The following GRID2 variants were observed in gnomAD, a reference collection of about 807,000 sequenced individuals.
The protein encoded by GRID2 is glutamate receptor ionotropic, delta-2.
In GRID2, 33 loss-of-function variants were observed where a neutral mutation model predicts 114.8. The observed-to-expected ratio is 0.29, with a 90% confidence interval of 0.22 to 0.38. GRID2 has a LOEUF of 0.38. GRID2 is among the 10% of genes least tolerant of loss of function. GRID2 has a pLI of 1.00. For missense variants in GRID2, 1,184 were observed against 1,257.7 expected, an observed-to-expected ratio of 0.94 and a Z score of 0.89; for synonymous variants, 505 against 449.9, an observed-to-expected ratio of 1.12 and a Z score of -1.55.
chr4:93,678,874 A>G (rs200421594), intron 14 of GRID2, among the ~76,000 whole-genome samples: 29,428 of 150,120 alleles, frequency 0.2, 3,477 homozygotes, highest in East Asian at 0.43. Context: ...ATCAACTAAC[A>G]AGCAAAATAA....
chr4:92,339,608 T>C (rs919093030), intron 1 of GRID2, among the ~76,000 whole-genome samples: 1 of 152,168 alleles, frequency 6.6e-6, no homozygotes, highest in Admixed American at 6.5e-5. Context: ...AACAGGTAAT[T>C]AATTAGCTCA....
chr4:92,594,831 C>G (rs1407026043), intron 2 of GRID2, among the ~76,000 whole-genome samples: 1 of 151,924 alleles, frequency 6.6e-6, no homozygotes, highest in Non-Finnish European at 1.5e-5. Context: ...TTGTGAAAAA[C>G]ACTGCTGTCG....
At chr4:92,355,464 T>C (rs897185699) in intron 1 of GRID2, among the ~76,000 whole-genome samples, 1 of 151,822 alleles carries the variant, frequency 6.6e-6, no homozygotes, top group African/African-American at 2.4e-5. Context: ...CAACTATAAT[T>C]AAATAATTGA....
intron 2 of GRID2, among the ~76,000 whole-genome samples, chr4:92,704,326 A>G (rs1272297740): frequency 6.6e-6 from 1 of 152,184 alleles, no homozygotes; most frequent in East Asian, 1.9e-4. Flanking sequence ...GAGATAGATG[A>G]ATTTAAGGAA....
At chr4:92,463,487 T>G (rs1446422817) in intron 1 of GRID2, among the ~76,000 whole-genome samples, 1 of 151,972 alleles carries the variant, frequency 6.6e-6, no homozygotes, top group East Asian at 1.9e-4. Context: ...AAAAATAAAC[T>G]CAAAACTCCA....
intron 13 of GRID2, among the ~76,000 whole-genome samples, chr4:93,577,424 C>T (rs1736529877): frequency 6.6e-6 from 1 of 152,034 alleles, no homozygotes; most frequent in African/African-American, 2.4e-5. Flanking sequence ...TGTAAGTAAA[C>T]AAAAGAAGAA....
intron 1 of GRID2, among the ~76,000 whole-genome samples, chr4:92,334,290 C>A (rs1360811030): frequency 1.3e-5 from 2 of 152,134 alleles, no homozygotes; most frequent in Non-Finnish European, 1.5e-5. Flanking sequence ...TTGTTTTCTT[C>A]TTAGCCCTTG....
intron 13 of GRID2, among the ~76,000 whole-genome samples, chr4:93,625,718 A>G (rs1742647205): frequency 6.6e-6 from 1 of 152,158 alleles, no homozygotes; most frequent in Non-Finnish European, 1.5e-5. Context: ...GATTGAGACC[A>G]TCCTGGCTAA....
intron 14 of GRID2, among the ~76,000 whole-genome samples, chr4:93,764,335 T>A (rs1733455166): frequency 6.6e-6 from 1 of 152,290 alleles, no homozygotes; most frequent in Admixed American, 6.5e-5. Context: ...CACAAATGTT[T>A]TAATATTTTG....
chr4:93,683,308 C>G (rs1548037), intron 14 of GRID2, among the ~76,000 whole-genome samples: 88,242 of 151,842 alleles, frequency 0.58, 27,537 homozygotes, highest in African/African-American at 0.83. Context: ...CATGATAATT[C>G]AGGCTTAGTA....
chr4:93,269,325 A>G (rs1183248328), intron 8 of GRID2, among the ~76,000 whole-genome samples: 1 of 152,180 alleles, frequency 6.6e-6, no homozygotes, highest in African/African-American at 2.4e-5. Flanking sequence ...GGTTAATTTT[A>G]TTTTACAGAA....
At chr4:92,797,211 G>A (rs549973227) in intron 2 of GRID2, among the ~76,000 whole-genome samples, 6 of 151,944 alleles carry the variant, frequency 3.9e-5, no homozygotes, top group African/African-American at 1.4e-4. Context: ...CAAGGTTTAT[G>A]GTATTGCATT....
At chr4:93,405,364 T>C (rs1766308949) in intron 9 of GRID2, among the ~76,000 whole-genome samples, 1 of 152,176 alleles carries the variant, frequency 6.6e-6, no homozygotes. Flanking sequence ...TTCTTTTGTA[T>C]CACACCAATT....
intron 8 of GRID2, among the ~76,000 whole-genome samples, chr4:93,365,799 A>T (rs967841878): frequency 6.6e-6 from 1 of 152,192 alleles, no homozygotes; most frequent in Non-Finnish European, 1.5e-5. Flanking sequence ...CAGGGACCCC[A>T]AATGGAGGGA....
chr4:92,545,477 C>T lies in GRID2; in HGVS notation c.89-44654C>T, dbSNP rs942783627. Among the ~76,000 whole-genome samples the T allele has an allele frequency of 3.3e-5, 5 of 152,110 alleles. 1 individual carries two copies. Among genetic ancestry groups the T allele is most frequent in the Admixed American group, 1.3e-4 (2 of 15,266 alleles). ...AGTGAATTCAGGTTAAATTCTAAAA[C>T]GTCAGGTTGATTCTTTTTGTAAGCT... On this transcript the variant is annotated intron_variant, in intron 1 of 15. Coordinates refer to ENST00000282020, the MANE Select transcript of GRID2 (RefSeq NM_001510.4).
Position 93,487,082 on chromosome 4 carries a change from T to A in GRID2, c.1859-3557T>A, listed in dbSNP as rs532837215. On this transcript the variant is annotated intron_variant, in intron 11 of 15. Transcript: ENST00000282020. Reference sequence around the variant, plus strand: ...AGGAACTTGTCCATATCATCTTAATTTTCAAATTTATTGGCATAAATTTGT... The same window carrying A: ...AGGAACTTGTCCATATCATCTTAATATTCAAATTTATTGGCATAAATTTGT... Among the ~76,000 whole-genome samples, 17 of 151,932 alleles carry A rather than the reference T, an allele frequency of 1.1e-4. No homozygotes were observed. The South Asian group carries it at 2.1e-3, about 19-fold the overall frequency.
intron 2 of GRID2, among the ~76,000 whole-genome samples, chr4:92,921,931 C>T (rs1253418675): frequency 6.6e-6 from 1 of 152,206 alleles, no homozygotes; most frequent in Non-Finnish European, 1.5e-5. Flanking sequence ...TATGGCTATG[C>T]CCTGCCCCCA....
chr4:92,980,513 G>A (rs891657084), intron 2 of GRID2, among the ~76,000 whole-genome samples: 1 of 151,966 alleles, frequency 6.6e-6, no homozygotes, highest in South Asian at 2.1e-4. Flanking sequence ...TGAAAAATAA[G>A]TTATTAACAC....
intron 1 of GRID2, among the ~76,000 whole-genome samples, chr4:92,386,249 T>G (rs1729955095): frequency 6.6e-6 from 1 of 151,716 alleles, no homozygotes; most frequent in Non-Finnish European, 1.5e-5. Flanking sequence ...ACCTATGAGC[T>G]AGATTTTATC....
Sources: gnomAD v4.1 joint callset for allele counts (sites outside exome capture counted in the v4.1 genomes callset) on GRCh38, gnomAD v4.1.1 for gene constraint, MANE v1.5 for transcripts, NCBI Gene and HGNC (gene_info 2026-07-23, HGNC 2026-07-21) for gene names.